Variants in LDAH observed in about 807,000 individuals in gnomAD.
LDAH encodes the protein lipid droplet-associated hydrolase.
LDAH carries 26 observed loss-of-function variants against 29.6 expected under a neutral mutation model. That is an observed-to-expected ratio of 0.88 (90% CI 0.64 to 1.22). The LOEUF (loss-of-function observed/expected upper bound fraction) is 1.22, where lower values mean the gene tolerates loss of function less well. Among genes scored for constraint, LDAH ranks in the 50% most tolerant of loss-of-function variants. The probability of loss-of-function intolerance (pLI) is 0.00; values close to 1 mark genes in which losing one functional copy is unlikely to be tolerated. For missense variants in LDAH, 344 were observed against 387.3 expected (o/e 0.89, Z 0.94); for synonymous variants, 117 against 133.0 (o/e 0.88, Z 0.83).
chr2:20,811,986 G>A (rs527761025), intron 1 of LDAH, among the ~76,000 whole-genome samples: 1 of 152,276 alleles, frequency 6.6e-6, no homozygotes, highest in South Asian at 2.1e-4. Flanking sequence ...GGAGAACCAG[G>A]GAAGGGAAAG....
rs184321210 is a variant in LDAH, at chr2:20,718,881, C to G, written c.704-17229G>C. Among the ~76,000 whole-genome samples, 786 of 151,754 alleles carry G rather than the reference C, an allele frequency of 5.2e-3. 9 individuals carry two copies. Among genetic ancestry groups the G allele is most frequent in the African/African-American group, 0.017 (691 of 41,518 alleles). ...AGGAACTTTGAAAACTGTACAAATA[C>G]ATGGAAATTAAACAACATGCTCCCA... On this transcript the variant is annotated intron_variant, in intron 5 of 6. Coordinates refer to ENST00000237822, the MANE Select transcript of LDAH (RefSeq NM_021925.4).
chr2:20,747,737 C>T (rs922352046), intron 4 of LDAH, among the ~76,000 whole-genome samples: 3 of 152,166 alleles, frequency 2.0e-5, no homozygotes, highest in Admixed American at 6.6e-5. Flanking sequence ...GAATATGCCT[C>T]GCAGGGAAGT....
chr2:20,735,605 T>G (rs563537930), intron 5 of LDAH, among the ~76,000 whole-genome samples: 2 of 151,690 alleles, frequency 1.3e-5, no homozygotes. Flanking sequence ...TGGCATTGAT[T>G]TTTTTTTTCC....
intron 4 of LDAH, among the ~76,000 whole-genome samples, chr2:20,767,998 A>T (rs1669156554): frequency 6.6e-6 from 1 of 152,026 alleles, no homozygotes; most frequent in South Asian, 2.1e-4. Context: ...CTCTGCTAGG[A>T]GCTGAACACT....
chr2:20,789,350 G>A (rs992265388), intron 3 of LDAH: 24 of 1,516,728 alleles, frequency 1.6e-5, no homozygotes, highest in African/African-American at 1.3e-4. Flanking sequence ...CCTGTGAATC[G>A]GGAAGTAGGT....
At chr2:20,786,592 A>T (rs1272690912) in intron 3 of LDAH, among the ~76,000 whole-genome samples, 2 of 152,076 alleles carry the variant, frequency 1.3e-5, no homozygotes, top group African/African-American at 4.8e-5. Flanking sequence ...TTTCCCTAAG[A>T]ACTCCTTCTT....
intron 4 of LDAH, among the ~76,000 whole-genome samples, chr2:20,743,313 T>TC (rs1667331613): frequency 1.2e-5 from 1 of 80,982 alleles, no homozygotes; most frequent in African/African-American, 3.6e-5. Flanking sequence ...CAAGTCCACT[T>TC]TTTTTTTTTT....
At chr2:20,779,252 C>G (rs559205119) in intron 3 of LDAH, among the ~76,000 whole-genome samples, 126 of 152,060 alleles carry the variant, frequency 8.3e-4, no homozygotes, top group African/African-American at 2.7e-3. Flanking sequence ...GATGAAAATA[C>G]AGTTTCCTTG....
intron 5 of LDAH, among the ~76,000 whole-genome samples, chr2:20,722,807 C>A (rs1162980645): frequency 6.6e-6 from 1 of 152,110 alleles, no homozygotes; most frequent in Non-Finnish European, 1.5e-5. Flanking sequence ...ACTAGATTGA[C>A]CCAAATTACA....
chr2:20,785,970 C>T (rs1041254867), intron 3 of LDAH, among the ~76,000 whole-genome samples: 1 of 152,138 alleles, frequency 6.6e-6, no homozygotes, highest in Non-Finnish European at 1.5e-5. Flanking sequence ...CTTTAAATTC[C>T]CGATCTGATA....
At chr2:20,729,969 A>T (rs1402890333) in intron 5 of LDAH, among the ~76,000 whole-genome samples, 1 of 152,032 alleles carries the variant, frequency 6.6e-6, no homozygotes, top group Non-Finnish European at 1.5e-5. Context: ...CTAAATTTTC[A>T]TCTTTAATTT....
At chr2:20,735,655 A>G (rs1294592565) in intron 5 of LDAH, among the ~76,000 whole-genome samples, 1 of 152,188 alleles carries the variant, frequency 6.6e-6, no homozygotes, top group African/African-American at 2.4e-5. Flanking sequence ...ATTTGCAACT[A>G]AAACATGGAC....
intron 5 of LDAH, among the ~76,000 whole-genome samples, chr2:20,726,607 C>T (rs543517485): frequency 6.6e-6 from 1 of 152,256 alleles, no homozygotes; most frequent in East Asian, 1.9e-4. Context: ...TGTTTTCCAC[C>T]TTTCCAATGG....
In LDAH at chr2:20,702,559, G is replaced by C. The variant is rs140999514; in HGVS notation, c.704-907C>G. ...TACCCTACGCTTTCTTGTTATTTCT[G>C]CCTCTTATCTTTAGTGTGAATGATG... On this transcript the variant is annotated intron_variant, in intron 5 of 6. Coordinates refer to ENST00000237822, the MANE Select transcript of LDAH (RefSeq NM_021925.4). 1.9e-3 allele frequency among the ~76,000 whole-genome samples: 291 copies of C among 152,124 alleles called. 1 individual carries two copies. Among genetic ancestry groups the C allele is most frequent in the African/African-American group, 5.4e-3 (224 of 41,480 alleles).
At chr2:20,788,003 T>C (rs776084334) in intron 3 of LDAH, among the ~76,000 whole-genome samples, 22 of 152,238 alleles carry the variant, frequency 1.4e-4, no homozygotes, top group Non-Finnish European at 2.4e-4. Context: ...AGGCTGAAAA[T>C]GTTTAAGCAT....
chr2:20,759,849 A>C (rs1157117843), intron 4 of LDAH, among the ~76,000 whole-genome samples: 2 of 152,288 alleles, frequency 1.3e-5, no homozygotes, highest in South Asian at 4.2e-4. Context: ...CACAAATGCA[A>C]GGGAATTCAC....
chr2:20,778,792 CA>C (rs760221526), intron 3 of LDAH, among the ~76,000 whole-genome samples: 3 of 152,080 alleles, frequency 2.0e-5, no homozygotes, highest in African/African-American at 4.8e-5. Context: ...TACCTTTTCC[CA>C]CTCTACCCAA....
At chr2:20,786,208 A>G (rs149826310) in intron 3 of LDAH, among the ~76,000 whole-genome samples, 26 of 152,106 alleles carry the variant, frequency 1.7e-4, no homozygotes, top group African/African-American at 6.0e-4. Context: ...TTTGTATTTT[A>G]AGATAGGGTC....
chr2:20,751,614 T>G (rs951498324), intron 4 of LDAH, among the ~76,000 whole-genome samples: 4 of 152,260 alleles, frequency 2.6e-5, no homozygotes, highest in Non-Finnish European at 4.4e-5. Context: ...TACACATTTT[T>G]AACTTATTCT....
Sources: allele counts gnomAD v4.1 joint callset (sites outside exome capture counted in the v4.1 genomes callset), GRCh38; gene constraint gnomAD v4.1.1; transcripts MANE v1.5; gene names NCBI Gene and HGNC (gene_info 2026-07-23, HGNC 2026-07-21).